Variants in TRMO observed in about 807,000 individuals in gnomAD.
TRMO encodes tRNA (adenine(37)-N6)-methyltransferase.
A neutral mutation model predicts 37.2 loss-of-function variants in TRMO; 30 were observed. The ratio of observed to expected loss-of-function variants is 0.81; its 90% CI spans 0.60 to 1.09. TRMO has a LOEUF of 1.09. Among genes scored for constraint, TRMO ranks in the 50% least tolerant of loss-of-function variants. TRMO has a pLI of 0.00. For synonymous variants in TRMO, 239 were observed against 199.4 expected, an observed-to-expected ratio of 1.20 and a Z score of -1.67; for missense variants, 552 against 549.5, an observed-to-expected ratio of 1.00 and a Z score of -0.05.
At chr9:97,915,252 A>G (rs1258821325) in intron 2 of TRMO, among the ~76,000 whole-genome samples, 1 of 152,198 alleles carries the variant, frequency 6.6e-6, no homozygotes, top group Non-Finnish European at 1.5e-5. Flanking sequence ...AGATTTCTAC[A>G]GTGTCTTGTC....
At chr9:97,905,488 C>T (rs191767841) in intron 4 of TRMO, among the ~76,000 whole-genome samples, 1 of 152,164 alleles carries the variant, frequency 6.6e-6, no homozygotes, top group Admixed American at 6.5e-5. Context: ...ATCACAGACC[C>T]GCAGTTACCA....
intron 1 of TRMO, among the ~76,000 whole-genome samples, chr9:97,920,565 C>T (rs1303885108): frequency 2.0e-5 from 3 of 152,230 alleles, no homozygotes; most frequent in Non-Finnish European, 4.4e-5. Context: ...AGGTGCCCAG[C>T]AAGGAGTGCT....
chr9:97,915,409 G>T (rs931570536), intron 2 of TRMO, among the ~76,000 whole-genome samples: 1 of 152,190 alleles, frequency 6.6e-6, no homozygotes, highest in African/African-American at 2.4e-5. Context: ...CACGAAAGCA[G>T]CCACAAACAA....
chr9:97,905,049 C>T (rs146974982), intron 4 of TRMO, 57 bp from the exon 5 acceptor site: 66 of 1,562,190 alleles, frequency 4.2e-5, no homozygotes, highest in Admixed American at 2.6e-4. Flanking sequence ...AATTTAATTA[C>T]AACAAACTTC....
intron 3 of TRMO, 24 bp from the exon 4 acceptor site, chr9:97,910,640 T>C (rs1826081464): frequency 6.2e-7 from 1 of 1,606,888 alleles, no homozygotes; most frequent in Non-Finnish European, 8.5e-7. Flanking sequence ...ACGTGAAAAA[T>C]GAAGAACAGT....
intron 1 of TRMO, among the ~76,000 whole-genome samples, chr9:97,919,369 A>AAAAG (rs1171756415): frequency 2.6e-5 from 4 of 152,072 alleles, no homozygotes; most frequent in Non-Finnish European, 5.9e-5. Flanking sequence ...GAAGAAAAAA[A>AAAAG]AAAGAAAGAA....
At chr9:97,919,137 T>C (rs997773095) in intron 1 of TRMO, among the ~76,000 whole-genome samples, 1 of 152,150 alleles carries the variant, frequency 6.6e-6, no homozygotes, top group Non-Finnish European at 1.5e-5. Context: ...TTTTTAATCC[T>C]CATCCATGCT....
chr9:97,904,874 G>GCGGT lies in TRMO; in HGVS notation c.1181_1184dup (p.Leu396ProfsTer18). On this transcript the variant is annotated frameshift_variant, in exon 5 of 5. Transcript: ENST00000375119. LOFTEE classifies it high-confidence loss of function. ...CTATGTCTACAGTAAAGTAGAAAAGGCGGTCCTGGCAAAGCTTCCGGCGGT... is the reference window on the plus strand; with the variant it reads ...CTATGTCTACAGTAAAGTAGAAAAGGCGGTCGGTCCTGGCAAAGCTTCCGGCGGT... 6.2e-7 allele frequency: 1 copy of GCGGT among 1,614,184 alleles called. No homozygotes were observed. The highest frequency in any genetic ancestry group is 8.5e-7 in the Non-Finnish European group (1 of 1,180,032).
intron 1 of TRMO, among the ~76,000 whole-genome samples, chr9:97,921,240 T>A (rs1027504214): frequency 3.3e-5 from 5 of 152,138 alleles, no homozygotes; most frequent in Non-Finnish European, 5.9e-5. Context: ...AGGAAGCTGG[T>A]TAAATTAGAG....
chr9:97,900,533 GA>G (rs1831145990), downstream of TRMO, among the ~76,000 whole-genome samples: 1 of 152,184 alleles, frequency 6.6e-6, no homozygotes, highest in South Asian at 2.1e-4. Context: ...GAATCATATG[GA>G]ACTGCTGACC....
At chr9:97,898,900 T>C in the TRMO span, among the ~76,000 whole-genome samples, 4 of 140,750 alleles carry the variant, frequency 2.8e-5, no homozygotes, top group African/African-American at 5.4e-5. Context: ...AGTGCAGTGG[T>C]GCCATCTCGG....
At position 97,904,511 on chromosome 9, in the gene TRMO, C is replaced by G. The variant is rs1587827095; in HGVS notation, c.*222G>C. On this transcript the variant is annotated 3_prime_UTR_variant, in exon 5 of 5. Coordinates refer to ENST00000375119, the MANE Select transcript of TRMO (RefSeq NM_016481.5). ...GCATCACCTTTTGATTCTTTAATAT[C>G]AACAGATCAAAAAGCATTTGGTGAT... The G allele has an allele frequency of 2.9e-6, 4 of 1,361,972 alleles. No individual in the cohort carries two copies. Among genetic ancestry groups the G allele is most frequent in the East Asian group, 5.5e-5 (2 of 36,632 alleles). The allele number at this position is 1,361,972 out of a possible 1,614,324, so 84.4% of individuals were successfully genotyped here. A position where few individuals can be genotyped will look rare whatever the true frequency, so the allele number is the denominator to read the frequency against.
chr9:97,912,741 A>G (rs1826180061), intron 3 of TRMO: 1 of 369,186 alleles, frequency 2.7e-6, no homozygotes, highest in Non-Finnish European at 5.5e-6. Context: ...CTTGACTCCT[A>G]GTTTACCTGC....
chr9:97,903,622 ACAGAGGATC>A (rs1825735034), downstream of TRMO, among the ~76,000 whole-genome samples: 1 of 152,236 alleles, frequency 6.6e-6, no homozygotes, highest in African/African-American at 2.4e-5. Context: ...ATGTGGTACT[ACAGAGGATC>A]CATGTATAAT....
the TRMO span, among the ~76,000 whole-genome samples, chr9:97,897,239 A>G: frequency 2.0e-5 from 3 of 152,240 alleles, no homozygotes; most frequent in African/African-American, 7.2e-5. Context: ...GTATGTAATA[A>G]CCTTTCTGGA....
At chr9:97,906,650 C>T (rs985951051) in intron 4 of TRMO, among the ~76,000 whole-genome samples, 1 of 152,010 alleles carries the variant, frequency 6.6e-6, no homozygotes, top group African/African-American at 2.4e-5. Flanking sequence ...ATATTTCAAA[C>T]ATCTGACACA....
Position 97,905,013 on chromosome 9 carries a change from C to T in TRMO, c.1067-21G>A, listed in dbSNP as rs1163969962. 2.5e-6 allele frequency: 4 copies of T among 1,608,558 alleles called. No individual in the cohort carries two copies. In the South Asian group the frequency reaches 3.3e-5, roughly 13 times the overall value. On this transcript the variant is annotated intron_variant, in intron 4 of 4. Transcript: ENST00000375119. The stretch of plus-strand genomic sequence containing the variant: ...AACATCTGCAATGAAAAAAACACAA[C>T]TTAATGAGCACTATCATGCAGGTTG...
chr9:97,922,365 C>G (rs1224830795), intron 1 of TRMO, 53 bp downstream of exon 1: 17 of 1,273,252 alleles, frequency 1.3e-5, no homozygotes, highest in Non-Finnish European at 1.8e-5. Flanking sequence ...ACGAAGTCCG[C>G]TGCCTGGGCC....
chr9:97,913,059 A>G, intron 3 of TRMO: 2 of 601,576 alleles, frequency 3.3e-6, no homozygotes, highest in African/African-American at 1.9e-5. Flanking sequence ...TAAATTGGAA[A>G]GTGTCCATTT....
Sources: allele counts gnomAD v4.1 joint callset (sites outside exome capture counted in the v4.1 genomes callset), GRCh38; gene constraint gnomAD v4.1.1; transcripts MANE v1.5; gene names NCBI Gene and HGNC (gene_info 2026-07-23, HGNC 2026-07-21).